Variants in BEND5 observed in about 807,000 individuals in gnomAD.
BEND5 encodes BEN domain-containing protein 5.
In BEND5, 22 loss-of-function variants were observed where a neutral mutation model predicts 43.9. The observed-to-expected ratio is 0.50, with a 90% CI of 0.36 to 0.72. The LOEUF is 0.72. Ranked by LOEUF, BEND5 falls within the 30% of genes least tolerant of loss-of-function variation. The pLI, the probability that BEND5 is intolerant of heterozygous loss-of-function variation, is 0.00. For synonymous variants in BEND5, 228 were observed against 225.9 expected (o/e 1.01, Z -0.08); for missense variants, 428 against 550.6 (o/e 0.78, Z 2.23).
At chr1:48,745,191 G>A (rs530790309) in intron 3 of BEND5, among the ~76,000 whole-genome samples, 1 of 152,268 alleles carries the variant, frequency 6.6e-6, no homozygotes, top group Non-Finnish European at 1.5e-5. Context: ...GAGGAAGAGA[G>A]GGACTTTAAT....
rs538685226 is a variant in BEND5, at chr1:48,772,809, G to A, written c.226+3797C>T. The stretch of plus-strand genomic sequence containing the variant: ...GACCTGAATGCAGGCAGTGATGGTG[G>A]AGCTGGAAAAGAAAAACTTAAAAGA... On this transcript the variant is annotated intron_variant, in intron 1 of 5. Coordinates refer to ENST00000371833, the MANE Select transcript of BEND5 (RefSeq NM_024603.4). 9.1e-4 allele frequency among the ~76,000 whole-genome samples: 138 copies of A among 152,298 alleles called. 4 individuals carry two copies. The South Asian group carries it at 0.028, about 31-fold the overall frequency.
intron 1 of BEND5, among the ~76,000 whole-genome samples, chr1:48,764,490 G>A (rs1644433927): frequency 6.6e-6 from 1 of 152,144 alleles, no homozygotes; most frequent in Admixed American, 6.5e-5. Context: ...TGGGGAAGGG[G>A]GGGAAATATT....
At chr1:48,768,666 G>A (rs1297948211) in intron 1 of BEND5, among the ~76,000 whole-genome samples, 1 of 152,116 alleles carries the variant, frequency 6.6e-6, no homozygotes, top group African/African-American at 2.4e-5. Context: ...AATCAGGCTG[G>A]GCAATTAAAA....
intron 5 of BEND5, among the ~76,000 whole-genome samples, chr1:48,729,832 T>A (rs571528203): frequency 2.8e-4 from 43 of 151,988 alleles, no homozygotes; most frequent in African/African-American, 1.0e-3. Flanking sequence ...GACCAGTCAC[T>A]TCCTGACTAT....
At chr1:48,755,529 C>T (rs1033104906) in intron 3 of BEND5, among the ~76,000 whole-genome samples, 2 of 152,196 alleles carry the variant, frequency 1.3e-5, no homozygotes, top group African/African-American at 2.4e-5. Context: ...GGGCAGAGAA[C>T]GGCAAAGCCT....
chr1:48,735,923 G>A (rs1015492236), intron 5 of BEND5, among the ~76,000 whole-genome samples: 2 of 152,036 alleles, frequency 1.3e-5, no homozygotes, highest in East Asian at 1.9e-4. Flanking sequence ...AGTGACCCCC[G>A]TCCCCAGGAA....
chr1:48,739,718 C>T (rs1285224347), intron 4 of BEND5, among the ~76,000 whole-genome samples: 1 of 152,202 alleles, frequency 6.6e-6, no homozygotes, highest in Non-Finnish European at 1.5e-5. Context: ...TGTAAAGTGT[C>T]AGGAGGACAC....
intron 3 of BEND5, among the ~76,000 whole-genome samples, chr1:48,755,019 C>CA (rs1410292635): frequency 6.6e-6 from 1 of 152,194 alleles, no homozygotes; most frequent in East Asian, 1.9e-4. Context: ...TGTTGGAATA[C>CA]TTCCTGTTAA....
chr1:48,758,194 C>T (rs1644048314), intron 3 of BEND5, among the ~76,000 whole-genome samples: 1 of 152,180 alleles, frequency 6.6e-6, no homozygotes. Context: ...AGGTCATGTG[C>T]CTCCCTGCTC....
At chr1:48,735,213 C>T (rs1427674111) in intron 5 of BEND5, among the ~76,000 whole-genome samples, 1 of 152,198 alleles carries the variant, frequency 6.6e-6, no homozygotes, top group East Asian at 1.9e-4. Flanking sequence ...ATTCTCTTTG[C>T]TCCCTCTACA....
chr1:48,742,576 G>A (rs752270772), intron 4 of BEND5, 47 bp downstream of exon 4: 8 of 1,455,312 alleles, frequency 5.5e-6, no homozygotes, highest in Non-Finnish European at 7.3e-6. Context: ...CCTTTACTCT[G>A]ACTAACAAAC....
rs147598048 is a variant in BEND5 at position 48,737,664 on chromosome 1, C to T, written c.895-1212G>A. On this transcript the variant is annotated intron_variant, in intron 4 of 5. Transcript: ENST00000371833. Reference sequence around the variant, plus strand: ...GTTTCAGTGCAGAGCCAATAAGACCCAGAATGTTCCAGCAATAAGCTATAA... The same window carrying T: ...GTTTCAGTGCAGAGCCAATAAGACCTAGAATGTTCCAGCAATAAGCTATAA... Among the ~76,000 whole-genome samples, 804 of 152,276 alleles carry T rather than the reference C, an allele frequency of 5.3e-3. 9 individuals are homozygous for T. Among genetic ancestry groups the T allele is most frequent in the African/African-American group, 0.016 (680 of 41,560 alleles).
At chr1:48,761,277 AG>A in intron 2 of BEND5, 59 bp downstream of exon 2, 1 of 1,487,156 alleles carries the variant, frequency 6.7e-7, no homozygotes, top group Non-Finnish European at 9.0e-7. Context: ...GAAACTCTTT[AG>A]CTACGAGATA....
rs904193681 is a variant in BEND5, at chr1:48,760,740, G to A, written c.360+597C>T. On this transcript the variant is annotated intron_variant, in intron 2 of 5. Transcript: ENST00000371833. ...GCAGAAGACATCCCACTTCCTTATC[G>A]TCCTTCTCCCTTCCTCTCAGGTATC... Among the ~76,000 whole-genome samples the A allele has an allele frequency of 3.0e-4, 45 of 152,194 alleles. 1 individual carries two copies. The highest frequency in any genetic ancestry group is 3.4e-3 in the Middle Eastern group (1 of 294).
intron 3 of BEND5, among the ~76,000 whole-genome samples, chr1:48,748,681 G>C (rs540279450): frequency 3.6e-4 from 55 of 152,230 alleles, no homozygotes; most frequent in African/African-American, 1.3e-3. Context: ...GTGCACAAAG[G>C]GTGCAATGTG....
chr1:48,772,190 T>C (rs1304016886), intron 1 of BEND5, among the ~76,000 whole-genome samples: 3 of 152,122 alleles, frequency 2.0e-5, no homozygotes, highest in Non-Finnish European at 2.9e-5. Flanking sequence ...CATTCATGAC[T>C]AATAAAAACA....
intron 3 of BEND5, among the ~76,000 whole-genome samples, chr1:48,749,026 C>T (rs141481591): frequency 9.2e-4 from 140 of 152,062 alleles, no homozygotes; most frequent in African/African-American, 3.0e-3. Flanking sequence ...GAAATGGATC[C>T]GAGAGAGCCC....
chr1:48,776,516 C>A, intron 1 of BEND5, 90 bp downstream of exon 1: 1 of 960,668 alleles, frequency 1.0e-6, no homozygotes, highest in Non-Finnish European at 1.4e-6. Context: ...GCAGTGGCTC[C>A]CCCCGGTCCC....
At chr1:48,763,997 C>T (rs572302620) in intron 1 of BEND5, among the ~76,000 whole-genome samples, 1 of 152,278 alleles carries the variant, frequency 6.6e-6, no homozygotes, top group Admixed American at 6.5e-5. Context: ...GCCTTCTATG[C>T]CTCGACTTAA....
Sources: gnomAD v4.1 joint callset for allele counts (sites outside exome capture counted in the v4.1 genomes callset) on GRCh38, gnomAD v4.1.1 for gene constraint, MANE v1.5 for transcripts, NCBI Gene and HGNC (gene_info 2026-07-23, HGNC 2026-07-21) for gene names.